The following TYW1 variants were observed in gnomAD, a reference collection of about 807,000 sequenced individuals.
TYW1 encodes tRNA-yW synthesizing protein 1 homolog.
TYW1 carries 46 observed loss-of-function variants against 96.2 expected under a neutral mutation model. The observed-to-expected ratio is 0.48, with a 90% CI of 0.38 to 0.61. TYW1 has a LOEUF of 0.61. TYW1 is among the 20% of genes least tolerant of loss of function. The pLI is 0.00. For missense variants in TYW1, 684 were observed against 909.6 expected (o/e 0.75, Z 3.19); for synonymous variants, 274 against 323.0 (o/e 0.85, Z 1.63).
intron 7 of TYW1, 43 bp from the exon 8 acceptor site, chr7:67,049,906 A>G (rs758528974): frequency 1.2e-6 from 2 of 1,611,212 alleles, no homozygotes; most frequent in East Asian, 2.2e-5. Flanking sequence ...TTTACATTGC[A>G]CATTACCAAT....
At chr7:67,104,062 G>A (rs1797168620) in intron 12 of TYW1, among the ~76,000 whole-genome samples, 1 of 152,008 alleles carries the variant, frequency 6.6e-6, no homozygotes, top group Non-Finnish European at 1.5e-5. Flanking sequence ...AATACCACCT[G>A]TACTCTGGTA....
chr7:67,041,903 G>A (rs913016493), intron 7 of TYW1, among the ~76,000 whole-genome samples: 2 of 151,414 alleles, frequency 1.3e-5, no homozygotes, highest in African/African-American at 4.8e-5. Context: ...AAGTTCTTAT[G>A]TAGATTGAAA....
At chr7:67,099,678 G>A (rs555022132) in intron 12 of TYW1, among the ~76,000 whole-genome samples, 6 of 152,238 alleles carry the variant, frequency 3.9e-5, no homozygotes, top group African/African-American at 1.4e-4. Context: ...AAGGGTGGAA[G>A]CAAGTCAGTG....
chr7:67,074,608 C>A (rs998627641), intron 10 of TYW1, among the ~76,000 whole-genome samples: 3 of 152,140 alleles, frequency 2.0e-5, no homozygotes, highest in Non-Finnish European at 4.4e-5. Flanking sequence ...TTAGAATTTG[C>A]CATCTGTTTC....
rs553044241 is a variant in TYW1 at position 67,033,719 on chromosome 7, G to A, written c.984+8697G>A. ...GACCCTTTTTTTTTTTTTTTGAGAC[G>A]GAGTCTCGCTCTGTTGCCAAGGCTG... On this transcript the variant is annotated intron_variant, in intron 7 of 15. Transcript: ENST00000359626. Among the ~76,000 whole-genome samples the A allele has an allele frequency of 4.7e-5, 7 of 147,404 alleles. No homozygotes were observed. The South Asian group carries it at 8.6e-4, about 18-fold the overall frequency.
At chr7:67,069,759 A>G (rs1795977053) in intron 10 of TYW1, among the ~76,000 whole-genome samples, 1 of 152,172 alleles carries the variant, frequency 6.6e-6, no homozygotes, top group African/African-American at 2.4e-5. Flanking sequence ...AATGAAAAAC[A>G]AACACAAACA....
intron 12 of TYW1, among the ~76,000 whole-genome samples, chr7:67,114,753 C>T (rs977835559): frequency 2.0e-5 from 3 of 152,182 alleles, no homozygotes; most frequent in Non-Finnish European, 4.4e-5. Context: ...ATTATCTCTT[C>T]TGGGTGAATA....
At chr7:67,054,814 G>A (rs1337615104) in intron 8 of TYW1, among the ~76,000 whole-genome samples, 2 of 152,160 alleles carry the variant, frequency 1.3e-5, no homozygotes, top group Admixed American at 6.5e-5. Context: ...TGTACTACTT[G>A]TTTGTACTAC....
chr7:67,116,735 A>G (rs1404326012), intron 12 of TYW1, among the ~76,000 whole-genome samples: 1 of 152,248 alleles, frequency 6.6e-6, no homozygotes, highest in South Asian at 2.1e-4. Flanking sequence ...CCTACTAGAA[A>G]TCTAGTAGGT....
chr7:67,179,219 G>A (rs1254531608), intron 13 of TYW1, among the ~76,000 whole-genome samples: 1 of 135,432 alleles, frequency 7.4e-6, no homozygotes, highest in Non-Finnish European at 1.6e-5. Context: ...TCTAGGAAAG[G>A]GGCAGTAACT....
At chr7:67,201,117 G>T in intron 15 of TYW1, among the ~76,000 whole-genome samples, 1 of 151,728 alleles carries the variant, frequency 6.6e-6, no homozygotes, top group East Asian at 1.9e-4. Context: ...AAAATTGTCT[G>T]GCAGCATTAC....
At chr7:67,044,658 T>A (rs191319904) in intron 7 of TYW1, among the ~76,000 whole-genome samples, 1 of 152,246 alleles carries the variant, frequency 6.6e-6, no homozygotes, top group East Asian at 1.9e-4. Flanking sequence ...CAGAGTCTGT[T>A]GCCCAGGCTG....
rs1793425621 is a variant in TYW1 at position 67,002,313 on chromosome 7, A to G, written c.273+3359A>G. On this transcript the variant is annotated intron_variant, in intron 3 of 15. Transcript: ENST00000359626. Reference sequence around the variant, plus strand: ...GATCCTTCTGTCTAGGATTACAGGCATGAACCACTATGCCCAGCCCATCTC... The same window carrying G: ...GATCCTTCTGTCTAGGATTACAGGCGTGAACCACTATGCCCAGCCCATCTC... Among the ~76,000 whole-genome samples the G allele has an allele frequency of 2.6e-5, 4 of 150,944 alleles. 1 individual carries two copies. The highest frequency in any genetic ancestry group is 9.7e-5 in the African/African-American group (4 of 41,282).
intron 7 of TYW1, among the ~76,000 whole-genome samples, chr7:67,047,873 C>T (rs1288623531): frequency 2.7e-5 from 4 of 149,628 alleles, no homozygotes; most frequent in South Asian, 2.1e-4. Context: ...CCGTAACCTC[C>T]GCCTCCCGGG....
chr7:67,141,631 G>A (rs1798451501), intron 13 of TYW1, among the ~76,000 whole-genome samples: 1 of 152,182 alleles, frequency 6.6e-6, no homozygotes, highest in South Asian at 2.1e-4. Flanking sequence ...GACTCCCAGG[G>A]CACCATACTA....
intron 7 of TYW1, among the ~76,000 whole-genome samples, chr7:67,029,953 G>T (rs887024760): frequency 6.6e-6 from 1 of 152,108 alleles, no homozygotes; most frequent in African/African-American, 2.4e-5. Context: ...CCACAGATCA[G>T]AAACGGTCAA....
intron 12 of TYW1, among the ~76,000 whole-genome samples, chr7:67,104,342 A>G (rs28611385): frequency 3.3e-5 from 5 of 152,216 alleles, no homozygotes; most frequent in African/African-American, 7.2e-5. Flanking sequence ...AAATCATGGC[A>G]GAAGGCAAAG....
intron 10 of TYW1, among the ~76,000 whole-genome samples, chr7:67,072,559 CT>C (rs1225874278): frequency 2.6e-5 from 4 of 151,980 alleles, no homozygotes; most frequent in African/African-American, 9.7e-5. Context: ...TCTCTACCCA[CT>C]TTTAAAAAAT....
intron 7 of TYW1, among the ~76,000 whole-genome samples, chr7:67,025,381 G>A (rs1463130834): frequency 2.1e-5 from 3 of 143,282 alleles, no homozygotes; most frequent in Admixed American, 1.4e-4. Flanking sequence ...AAAAAAAATC[G>A]CAAAATAAAT....
Sources: allele counts gnomAD v4.1 joint callset (sites outside exome capture counted in the v4.1 genomes callset), GRCh38; gene constraint gnomAD v4.1.1; transcripts MANE v1.5; gene names NCBI Gene and HGNC (gene_info 2026-07-23, HGNC 2026-07-21).